PARD3B: variants seen among roughly 807,000 people sequenced by gnomAD.
PARD3B encodes the protein partitioning defective 3 homolog B.
In PARD3B, 103 loss-of-function variants were observed where a neutral mutation model predicts 130.2. That is an observed-to-expected ratio of 0.79 (90% CI 0.67 to 0.93). PARD3B has a LOEUF of 0.93. PARD3B is among the 40% of genes least tolerant of loss of function. PARD3B has a pLI of 0.00. For synonymous variants in PARD3B, 583 were observed against 553.2 expected (o/e 1.05, Z -0.76); for missense variants, 1,609 against 1,499.2 (o/e 1.07, Z -1.21).
intron 2 of PARD3B, among the ~76,000 whole-genome samples, chr2:204,883,392 A>G (rs2046125544): frequency 1.4e-5 from 2 of 138,430 alleles, no homozygotes; most frequent in East Asian, 2.1e-4. Flanking sequence ...TTTTATGTGT[A>G]TGTATATATA....
chr2:205,109,529 A>G (rs1405468540), intron 5 of PARD3B, among the ~76,000 whole-genome samples: 1 of 152,118 alleles, frequency 6.6e-6, no homozygotes, highest in Non-Finnish European at 1.5e-5. Context: ...TAACAATCAT[A>G]CTAATAGCAG....
intron 3 of PARD3B, among the ~76,000 whole-genome samples, chr2:204,995,226 T>G (rs1296338547): frequency 6.6e-6 from 1 of 152,200 alleles, no homozygotes; most frequent in Non-Finnish European, 1.5e-5. Context: ...TACTGGTTGT[T>G]CCTTTCCATG....
At chr2:205,376,157 C>T (rs893577394) in intron 18 of PARD3B, among the ~76,000 whole-genome samples, 1 of 152,124 alleles carries the variant, frequency 6.6e-6, no homozygotes, top group Non-Finnish European at 1.5e-5. Flanking sequence ...GATATGTTTT[C>T]TATCATTATC....
intron 2 of PARD3B, among the ~76,000 whole-genome samples, chr2:204,870,804 A>G (rs1460448414): frequency 2.0e-5 from 3 of 152,232 alleles, no homozygotes; most frequent in African/African-American, 7.2e-5. Flanking sequence ...TGAATATTTT[A>G]TTTGGAAACT....
chr2:204,906,705 G>A lies in PARD3B; in HGVS notation c.223-58447G>A, dbSNP rs192015514. On this transcript the variant is annotated intron_variant, in intron 2 of 22. Coordinates refer to ENST00000406610, the MANE Select transcript of PARD3B (RefSeq NM_001302769.2). This position sits in a 1 kb window ranked among gnomAD's most constrained non-coding sequence, Gnocchi z 4.3. Reference sequence around the variant, plus strand: ...AGTTCAAAATTTGTTTTTACATTTAGCCTGACTTCCAGCCATGGAGAAAAC... The same window carrying A: ...AGTTCAAAATTTGTTTTTACATTTAACCTGACTTCCAGCCATGGAGAAAAC... Among the ~76,000 whole-genome samples the A allele has an allele frequency of 8.9e-4, 135 of 152,282 alleles. No individual in the cohort carries two copies. The highest frequency in any genetic ancestry group is 3.1e-3 in the African/African-American group (128 of 41,558).
intron 16 of PARD3B, among the ~76,000 whole-genome samples, chr2:205,251,500 G>A (rs890107478): frequency 1.3e-5 from 2 of 152,262 alleles, no homozygotes; most frequent in Middle Eastern, 3.4e-3. Flanking sequence ...GAAATTTCTA[G>A]ATCCTTGCAA....
Position 205,176,079 on chromosome 2 carries a change from T to C in PARD3B, c.1792-366T>C, listed in dbSNP as rs2035453367. Among the ~76,000 whole-genome samples the C allele has an allele frequency of 6.6e-6, 1 of 152,210 alleles. No individual in the cohort carries two copies. Among genetic ancestry groups the C allele is most frequent in the African/African-American group, 2.4e-5 (1 of 41,464 alleles). On this transcript the variant is annotated intron_variant, in intron 12 of 22. Coordinates refer to ENST00000406610, the MANE Select transcript of PARD3B (RefSeq NM_001302769.2). The surrounding 1 kb of genome is among the most constrained non-coding windows in gnomAD (Gnocchi z 5.3). ...CAGAGAGAGAGAGGAACCAGCTGGTTGGCAGAGAAACACCCTTGGCATGAA... is the reference window on the plus strand; with the variant it reads ...CAGAGAGAGAGAGGAACCAGCTGGTCGGCAGAGAAACACCCTTGGCATGAA...
At chr2:205,380,785 ATACAT>A (rs1185342844) in intron 18 of PARD3B, among the ~76,000 whole-genome samples, 2 of 104,282 alleles carry the variant, frequency 1.9e-5, no homozygotes, top group Admixed American at 1.5e-4. Flanking sequence ...TATAAAGAAT[ATACAT>A]TATATATAAT....
chr2:205,277,901 A>T (rs549356695), intron 16 of PARD3B, among the ~76,000 whole-genome samples: 1 of 152,306 alleles, frequency 6.6e-6, no homozygotes, highest in African/African-American at 2.4e-5. Context: ...AAGTGTATAA[A>T]TAAAGACAGT....
At chr2:205,175,759 C>A (rs56373753) in intron 12 of PARD3B, among the ~76,000 whole-genome samples, 21,832 of 152,274 alleles carry the variant, frequency 0.14, 1,759 homozygotes, top group Middle Eastern at 0.26. Flanking sequence ...AGTTCTCTAT[C>A]ATCAGCCTCC....
intron 20 of PARD3B, among the ~76,000 whole-genome samples, chr2:205,462,796 G>A (rs1028261870): frequency 6.6e-6 from 1 of 152,076 alleles, no homozygotes; most frequent in African/African-American, 2.4e-5. Context: ...TACTACCACC[G>A]ATCAAATTGA....
chr2:205,132,605 A>C (rs2032104989), intron 10 of PARD3B, among the ~76,000 whole-genome samples: 1 of 152,126 alleles, frequency 6.6e-6, no homozygotes, highest in African/African-American at 2.4e-5. Flanking sequence ...TTAAGGGTTC[A>C]CCTCAGCATG....
Position 205,034,332 on chromosome 2 carries a change from A to G in PARD3B, c.395-13249A>G, listed in dbSNP as rs191911608. 2.0e-4 allele frequency among the ~76,000 whole-genome samples: 30 copies of G among 152,212 alleles called. No individual in the cohort carries two copies. The East Asian group carries it at 5.4e-3, about 27-fold the overall frequency. On this transcript the variant is annotated intron_variant, in intron 3 of 22. Coordinates refer to ENST00000406610, the MANE Select transcript of PARD3B (RefSeq NM_001302769.2). ...GTTCCACCCTGTTCTCCCAGATATC[A>G]CTTTCTCTCTCACATTCTTGTTTGA...
At chr2:205,002,615 C>G (rs955976376) in intron 3 of PARD3B, among the ~76,000 whole-genome samples, 2 of 152,148 alleles carry the variant, frequency 1.3e-5, no homozygotes, top group South Asian at 2.1e-4. Flanking sequence ...CCTCCATCCT[C>G]TCGCGCTCTG....
chr2:205,168,202 G>A (rs563452159), intron 11 of PARD3B, among the ~76,000 whole-genome samples: 3 of 151,902 alleles, frequency 2.0e-5, no homozygotes, highest in Non-Finnish European at 4.4e-5. Context: ...GGTTATGGGG[G>A]GATGCCAGAA....
intron 1 of PARD3B, among the ~76,000 whole-genome samples, chr2:204,567,129 C>A (rs573587210): frequency 6.6e-6 from 1 of 152,268 alleles, no homozygotes; most frequent in South Asian, 2.1e-4. Flanking sequence ...TCTGCAACCC[C>A]TTAGCCTCCC....
intron 20 of PARD3B, among the ~76,000 whole-genome samples, chr2:205,480,480 C>G (rs994615678): frequency 6.6e-6 from 1 of 152,160 alleles, no homozygotes; most frequent in Admixed American, 6.5e-5. Context: ...TTGTTTCATC[C>G]CCATCCTCAC....
chr2:205,301,491 C>G lies in PARD3B; in HGVS notation c.2420C>G (p.Ser807Cys), dbSNP rs753948335. ...GGTCTGTCTGATAAGAGCTCTCACT[C>G]TGGCCAAGGAGCTCTGAATTGTGAG... ...ADGLSDKSSH[S>C]GQGALNCESA... Residue 807 changes from serine to cysteine, a missense_variant, in exon 18 of 23, where the codon TCT (serine) becomes TGT (cysteine). Transcript: ENST00000406610. The surrounding 1 kb of genome is among the most constrained non-coding windows in gnomAD (Gnocchi z 5.2). 18 of 1,612,626 alleles carry G rather than the reference C, an allele frequency of 1.1e-5. No homozygotes were observed. Among genetic ancestry groups the G allele is most frequent in the Non-Finnish European group, 1.5e-5 (18 of 1,179,728 alleles).
chr2:205,479,949 C>T (rs1460438265), intron 20 of PARD3B, among the ~76,000 whole-genome samples: 2 of 146,346 alleles, frequency 1.4e-5, no homozygotes, highest in Non-Finnish European at 3.0e-5. Context: ...GTCACCCAGC[C>T]TGGAGTGCAC....
Sources: gnomAD v4.1 joint callset for allele counts (sites outside exome capture counted in the v4.1 genomes callset) on GRCh38, gnomAD v4.1.1 for gene constraint, Gnocchi (gnomAD v3.1) non-coding constraint, MANE v1.5 for transcripts, NCBI Gene and HGNC (gene_info 2026-07-23, HGNC 2026-07-21) for gene names.